MGAM2: variants seen among roughly 807,000 people sequenced by gnomAD.
MGAM2 encodes maltase-glucoamylase 2 (putative).
Under a neutral mutation model 96.1 loss-of-function variants are expected in MGAM2, and 98 were observed. That is an observed-to-expected ratio of 1.02 (90% confidence interval 0.87 to 1.21). The LOEUF (loss-of-function observed/expected upper bound fraction) is 1.21, where lower values mean the gene tolerates loss of function less well. MGAM2 is among the 50% of genes most tolerant of loss of function. The pLI, the probability that MGAM2 is intolerant of heterozygous loss-of-function variation, is 0.00. For missense variants in MGAM2, 2,055 were observed against 1,182.4 expected, an observed-to-expected ratio of 1.74 and a Z score of -10.82; for synonymous variants, 749 against 414.8, an observed-to-expected ratio of 1.81 and a Z score of -9.79.
intron 46 of MGAM2, among the ~76,000 whole-genome samples, chr7:142,209,692 ATTTCCTGCTTATAGTGG>A (rs1797517654): frequency 6.6e-6 from 1 of 151,872 alleles, no homozygotes; most frequent in Non-Finnish European, 1.5e-5. Context: ...TATTTTCTCT[ATTTCCTGCTTATAGTGG>A]TTTCCAGGTC....
At chr7:142,147,166 C>G (rs895223529) in intron 14 of MGAM2, among the ~76,000 whole-genome samples, 3 of 152,206 alleles carry the variant, frequency 2.0e-5, no homozygotes, top group African/African-American at 4.8e-5. Context: ...TACTTAGGCT[C>G]AGATCCACTG....
chr7:142,129,970 A>T (rs1794840410), intron 3 of MGAM2, among the ~76,000 whole-genome samples: 1 of 150,174 alleles, frequency 6.7e-6, no homozygotes, highest in Admixed American at 6.7e-5. Context: ...CTGTCATTTC[A>T]TGTAAATTTA....
chr7:142,136,510 C>T lies in MGAM2; in HGVS notation c.748-31C>T, dbSNP rs763092220. The stretch of plus-strand genomic sequence containing the variant: ...GAATGAAAACTTTCTCAACACATAA[C>T]ACTATGACTTTTCTTCTGTTTTGCT... On this transcript the variant is annotated intron_variant, in intron 7 of 47. Coordinates refer to ENST00000477922, the MANE Select transcript of MGAM2 (RefSeq NM_001293626.2). 3 of 647,432 alleles carry T rather than the reference C, an allele frequency of 4.6e-6. No homozygotes were observed. The South Asian group carries it at 5.3e-5, about 11-fold the overall frequency. The allele number at this position is 647,432 out of a possible 1,614,324, so 40.1% of individuals were successfully genotyped here. A position where few individuals can be genotyped will look rare whatever the true frequency, so the allele number is the denominator to read the frequency against.
Position 142,158,084 on chromosome 7 carries a change from G to A in MGAM2, c.2071G>A (p.Val691Ile). Residue 691 changes from valine to isoleucine, a missense_variant, in exon 18 of 48, where the codon GTA becomes ATA. Val to Ile is a conservative substitution (Grantham distance 29). Coordinates refer to ENST00000477922, the MANE Select transcript of MGAM2 (RefSeq NM_001293626.2). ...GGGAGAGACGGTAGCAAGGCCCCTT[G>A]TACATGAGTGAGTTTCCTGATTCTC... ...TRGETVARPL[V>I]HEFYQDSATW... 1.4e-6 allele frequency: 1 copy of A among 702,204 alleles called. No homozygotes were observed. Among genetic ancestry groups the A allele is most frequent in the East Asian group, 2.7e-5 (1 of 37,270 alleles). 43.5% of individuals were successfully genotyped at this position (702,204 alleles called of 1,614,324 possible). A position where few individuals can be genotyped will look rare whatever the true frequency, so the allele number is the denominator to read the frequency against.
chr7:142,132,127 T>G (rs1332408898), intron 6 of MGAM2, 42 bp downstream of exon 6: 1 of 665,522 alleles, frequency 1.5e-6, no homozygotes, highest in Non-Finnish European at 2.7e-6. Flanking sequence ...GAACACACAG[T>G]TCTAATATTA....
chr7:142,187,615 G>A, intron 35 of MGAM2, 135 bp from the exon 36 acceptor site: 1 of 571,512 alleles, frequency 1.7e-6, no homozygotes, highest in South Asian at 2.2e-5. Context: ...GTCAGTGCCA[G>A]GAATTAAACA....
chr7:142,210,614 C>T (rs569813227), intron 46 of MGAM2, among the ~76,000 whole-genome samples: 5 of 152,276 alleles, frequency 3.3e-5, no homozygotes, highest in Non-Finnish European at 4.4e-5. Flanking sequence ...TCCACAAAGC[C>T]GCTGTAGCAA....
At chr7:142,210,357 C>G (rs914082441) in intron 46 of MGAM2, among the ~76,000 whole-genome samples, 8 of 152,052 alleles carry the variant, frequency 5.3e-5, no homozygotes, top group African/African-American at 1.9e-4. Flanking sequence ...GAACCATTCA[C>G]TCCCCTGGAA....
At chr7:142,185,249 A>G in intron 34 of MGAM2, 110 bp downstream of exon 34, 1 of 603,470 alleles carries the variant, frequency 1.7e-6, no homozygotes, top group Non-Finnish European at 3.0e-6. Context: ...CCCTAACTTG[A>G]GGGTGCTTAT....
chr7:142,216,850 C>G (rs1797775829), intron 46 of MGAM2, among the ~76,000 whole-genome samples: 1 of 152,140 alleles, frequency 6.6e-6, no homozygotes, highest in Non-Finnish European at 1.5e-5. Context: ...GCATAGCTTC[C>G]CTCTGCTACA....
chr7:142,221,222 G>C lies in MGAM2; in HGVS notation c.6711G>C (p.Met2237Ile). Residue 2237 changes from methionine to isoleucine, a missense_variant, in exon 48 of 48, where the codon ATG (methionine) becomes ATC (isoleucine). Met to Ile is a conservative substitution (Grantham distance 10). Coordinates refer to ENST00000477922, the MANE Select transcript of MGAM2 (RefSeq NM_001293626.2). ...DVASTNNDAS[M>I]TNFLLATMSA... ...CTAGCACAAATAATGATGCTTCTAT[G>C]ACAAATTTTCTTTTAGCTACAATGT... 2 of 701,634 alleles carry C rather than the reference G, an allele frequency of 2.9e-6. No homozygotes were observed. Among genetic ancestry groups the C allele is most frequent in the Non-Finnish European group, 2.6e-6 (1 of 384,290 alleles). 43.5% of individuals were successfully genotyped at this position (701,634 alleles called of 1,614,324 possible). A position where few individuals can be genotyped will look rare whatever the true frequency, so the allele number is the denominator to read the frequency against.
chr7:142,182,458 G>C (rs1563280679), intron 32 of MGAM2, among the ~76,000 whole-genome samples: 1 of 152,198 alleles, frequency 6.6e-6, no homozygotes, highest in Non-Finnish European at 1.5e-5. Context: ...GTCAGCAGGG[G>C]CTAGAGCCAC....
At chr7:142,211,182 G>C (rs547680004) in intron 46 of MGAM2, among the ~76,000 whole-genome samples, 1 of 152,284 alleles carries the variant, frequency 6.6e-6, no homozygotes, top group South Asian at 2.1e-4. Context: ...AAATCCATCC[G>C]AAGGTCACCA....
intron 23 of MGAM2, among the ~76,000 whole-genome samples, chr7:142,162,396 T>C (rs1448916546): frequency 6.6e-6 from 1 of 152,042 alleles, no homozygotes; most frequent in Non-Finnish European, 1.5e-5. Context: ...AAACTTGGCC[T>C]TTGGCACGGG....
intron 17 of MGAM2, 23 bp downstream of exon 17, chr7:142,154,868 T>C (rs758814072): frequency 4.3e-6 from 3 of 702,220 alleles, no homozygotes; most frequent in South Asian, 3.0e-5. Context: ...AAAGAAGTGA[T>C]GGAAACTTTT....
At chr7:142,215,295 C>G (rs918639583) in intron 46 of MGAM2, among the ~76,000 whole-genome samples, 6 of 151,862 alleles carry the variant, frequency 4.0e-5, no homozygotes, top group African/African-American at 1.5e-4. Context: ...ACACCAGGGC[C>G]TGTTGGGGGT....
At chr7:142,189,834 G>A (rs1278499124) in intron 37 of MGAM2, among the ~76,000 whole-genome samples, 1 of 152,134 alleles carries the variant, frequency 6.6e-6, no homozygotes, top group Non-Finnish European at 1.5e-5. Context: ...CCTACCTCCT[G>A]AGCCCTAGCC....
intron 40 of MGAM2, 96 bp from the exon 41 acceptor site, chr7:142,197,304 C>A (rs1797073613): frequency 1.5e-6 from 1 of 647,258 alleles, no homozygotes; most frequent in South Asian, 1.8e-5. Context: ...TGGCTTGTAA[C>A]CTACATTTTG....
chr7:142,158,475 T>G, intron 19 of MGAM2, 143 bp downstream of exon 19: 1 of 580,994 alleles, frequency 1.7e-6, no homozygotes, highest in Non-Finnish European at 3.1e-6. Flanking sequence ...TTTAGAAATT[T>G]TTTAAAAAGT....
Sources: allele counts gnomAD v4.1 joint callset (sites outside exome capture counted in the v4.1 genomes callset), GRCh38; gene constraint gnomAD v4.1.1; transcripts MANE v1.5; gene names NCBI Gene and HGNC (gene_info 2026-07-23, HGNC 2026-07-21).